The following DPYD variants were observed in gnomAD, a reference collection of about 807,000 sequenced individuals.
DPYD encodes dihydropyrimidine dehydrogenase [NADP(+)].
A neutral mutation model predicts 116.2 loss-of-function variants in DPYD; 109 were observed. The observed-to-expected ratio is 0.94, with a 90% CI of 0.80 to 1.10. The LOEUF (loss-of-function observed/expected upper bound fraction) is 1.10, where lower values mean the gene tolerates loss of function less well. Ranked by LOEUF, DPYD falls within the 50% of genes least tolerant of loss-of-function variation. The pLI is 0.00. For missense variants in DPYD, 1,302 were observed against 1,254.5 expected (o/e 1.04, Z -0.57); for synonymous variants, 440 against 432.0 (o/e 1.02, Z -0.23).
At position 97,147,244 on chromosome 1, in the gene DPYD, G is replaced by A. The variant is rs573939385; in HGVS notation, c.2622+45825C>T. ...GCTCGTAGTCCCAGCTACTCAGGAGGCTGAGGCAGGAGAAGAATCGCCTGA... is the reference window on the plus strand; with the variant it reads ...GCTCGTAGTCCCAGCTACTCAGGAGACTGAGGCAGGAGAAGAATCGCCTGA... On this transcript the variant is annotated intron_variant, in intron 20 of 22. Coordinates refer to ENST00000370192, the MANE Select transcript of DPYD (RefSeq NM_000110.4). Among the ~76,000 whole-genome samples the A allele has an allele frequency of 4.6e-5, 7 of 152,258 alleles. No homozygotes were observed. The South Asian group carries it at 1.4e-3, about 32-fold the overall frequency.
chr1:97,499,571 G>A (rs555205926), intron 13 of DPYD, among the ~76,000 whole-genome samples: 4 of 151,436 alleles, frequency 2.6e-5, no homozygotes, highest in Non-Finnish European at 4.4e-5. Context: ...GGAGAACAGC[G>A]GGAACAAAAA....
At chr1:97,794,053 TCAGCCTCC>T (rs1376678272) in intron 3 of DPYD, among the ~76,000 whole-genome samples, 1 of 152,122 alleles carries the variant, frequency 6.6e-6, no homozygotes, top group Non-Finnish European at 1.5e-5. Flanking sequence ...TCTTCCTTCC[TCAGCCTCC>T]CAAGTAGCTG....
chr1:97,392,276 T>C (rs184745427), intron 14 of DPYD, among the ~76,000 whole-genome samples: 3 of 152,162 alleles, frequency 2.0e-5, no homozygotes, highest in African/African-American at 7.2e-5. Flanking sequence ...AGGAATGTCT[T>C]GTCTTGATGG....
At chr1:97,587,126 C>T (rs1022112697) in intron 10 of DPYD, among the ~76,000 whole-genome samples, 11 of 152,204 alleles carry the variant, frequency 7.2e-5, no homozygotes, top group Non-Finnish European at 1.5e-4. Flanking sequence ...TTTCATACTA[C>T]ACTGAAGTTT....
intron 2 of DPYD, among the ~76,000 whole-genome samples, chr1:97,832,785 T>G (rs1571435394): frequency 6.6e-6 from 1 of 152,262 alleles, no homozygotes; most frequent in African/African-American, 2.4e-5. Flanking sequence ...GTGTTTTATA[T>G]CTCATCTGTG....
At chr1:97,693,290 CAAAAAAAAA>C (rs201872835) in intron 6 of DPYD, among the ~76,000 whole-genome samples, 952 of 41,756 alleles carry the variant, frequency 0.023, 13 homozygotes, top group African/African-American at 0.13. Context: ...GACTCCGTCT[CAAAAAAAAA>C]AAAAAAAAAA....
At chr1:97,645,311 A>G (rs959030060) in intron 8 of DPYD, among the ~76,000 whole-genome samples, 9 of 152,166 alleles carry the variant, frequency 5.9e-5, no homozygotes, top group Admixed American at 1.3e-4. Flanking sequence ...TGTGATAGAT[A>G]AAATGGTAGG....
chr1:97,080,838 G>T (rs1649101335), intron 22 of DPYD, among the ~76,000 whole-genome samples: 1 of 151,992 alleles, frequency 6.6e-6, no homozygotes, highest in Admixed American at 6.6e-5. Flanking sequence ...CTTTTAAAAT[G>T]CATACTTGTG....
intron 2 of DPYD, among the ~76,000 whole-genome samples, chr1:97,866,131 A>C: frequency 6.6e-6 from 1 of 152,012 alleles, no homozygotes; most frequent in East Asian, 1.9e-4. Context: ...AATCCTCAAA[A>C]ACTAATTCCA....
chr1:97,441,963 C>T, intron 14 of DPYD, among the ~76,000 whole-genome samples: 1 of 152,118 alleles, frequency 6.6e-6, no homozygotes, highest in East Asian at 1.9e-4. Flanking sequence ...CTATTCAATG[C>T]TTGTGGTCAT....
rs59336649 is a variant in DPYD at position 97,893,429 on chromosome 1, C to CATATATATATATATATAT, written c.40-10073_40-10056dup. On this transcript the variant is annotated intron_variant, in intron 1 of 22. Transcript: ENST00000370192. ...CAAAAACAGATTTTAATATCCATCG[C>CATATATATATATATATAT]ATATATATATATATATATATATATA... Among the ~76,000 whole-genome samples the CATATATATATATATATAT allele has an allele frequency of 1.1e-3, 79 of 71,886 alleles. 2 individuals carry two copies. The highest frequency in any genetic ancestry group is 3.2e-3 in the East Asian group (6 of 1,876). 47.2% of individuals were successfully genotyped at this position (71,886 alleles called of 152,430 possible). A position where few individuals can be genotyped will look rare whatever the true frequency, so the allele number is the denominator to read the frequency against.
At chr1:97,305,814 T>C (rs1359744955) in intron 17 of DPYD, among the ~76,000 whole-genome samples, 1 of 151,984 alleles carries the variant, frequency 6.6e-6, no homozygotes, top group African/African-American at 2.4e-5. Context: ...GCAAATTGAA[T>C]TTTCTTTTTT....
chr1:97,431,122 G>T (rs376917942), intron 14 of DPYD, among the ~76,000 whole-genome samples: 29 of 151,938 alleles, frequency 1.9e-4, no homozygotes, highest in East Asian at 1.4e-3. Context: ...CAGATTCAGG[G>T]GTAAATGAGA....
At chr1:97,443,818 A>C (rs984293789) in intron 14 of DPYD, among the ~76,000 whole-genome samples, 1 of 152,242 alleles carries the variant, frequency 6.6e-6, no homozygotes, top group African/African-American at 2.4e-5. Context: ...TAATTATAAA[A>C]ACTTCAAAGA....
chr1:97,882,489 T>C (rs1571524312), intron 2 of DPYD, among the ~76,000 whole-genome samples: 1 of 152,054 alleles, frequency 6.6e-6, no homozygotes, highest in African/African-American at 2.4e-5. Context: ...ATTGAGCTAA[T>C]GTTAAACTAA....
intron 18 of DPYD, among the ~76,000 whole-genome samples, chr1:97,282,572 T>C (rs1488136012): frequency 1.3e-5 from 2 of 152,078 alleles, no homozygotes; most frequent in Non-Finnish European, 2.9e-5. Context: ...AAAATTCAAC[T>C]TTTTTCTTGC....
At chr1:97,760,595 A>G (rs1242098545) in intron 3 of DPYD, among the ~76,000 whole-genome samples, 1 of 152,128 alleles carries the variant, frequency 6.6e-6, no homozygotes, top group African/African-American at 2.4e-5. Flanking sequence ...ACCATTTTAT[A>G]TCAGGGACTT....
intron 18 of DPYD, among the ~76,000 whole-genome samples, chr1:97,291,880 A>G (rs1570444686): frequency 6.6e-6 from 1 of 152,124 alleles, no homozygotes; most frequent in Non-Finnish European, 1.5e-5. Context: ...CTAAATTCCT[A>G]TATTTGAATT....
chr1:97,292,099 A>G (rs929679846), intron 18 of DPYD, among the ~76,000 whole-genome samples: 1 of 152,100 alleles, frequency 6.6e-6, no homozygotes, highest in African/African-American at 2.4e-5. Flanking sequence ...GAAAATATAT[A>G]TGCTTGGCCT....
Sources: gnomAD v4.1 joint callset for allele counts (sites outside exome capture counted in the v4.1 genomes callset) on GRCh38, gnomAD v4.1.1 for gene constraint, MANE v1.5 for transcripts, NCBI Gene and HGNC (gene_info 2026-07-23, HGNC 2026-07-21) for gene names.